SPTB: variants seen among roughly 807,000 people sequenced by gnomAD.
SPTB encodes spectrin beta, erythrocytic, also known as spectrin beta chain, erythrocytic.
In SPTB, 45 loss-of-function variants were observed where a neutral mutation model predicts 256.2. The ratio of observed to expected loss-of-function variants is 0.18; its 90% CI spans 0.14 to 0.23. SPTB has a LOEUF of 0.23. SPTB is among the 10% of genes least tolerant of loss of function. The probability of loss-of-function intolerance (pLI) is 1.00; values close to 1 mark genes in which losing one functional copy is unlikely to be tolerated. For synonymous variants in SPTB, 1,231 were observed against 1,243.1 expected, an observed-to-expected ratio of 0.99 and a Z score of 0.21; for missense variants, 2,715 against 3,040.4, an observed-to-expected ratio of 0.89 and a Z score of 2.52.
chr14:64,775,077 T>C lies in SPTB; in HGVS notation c.4842+48A>G. On this transcript the variant is annotated intron_variant, in intron 23 of 35. Coordinates refer to ENST00000644917, the MANE Select transcript of SPTB (RefSeq NM_001355436.2). This position sits in a 1 kb window ranked among gnomAD's most constrained non-coding sequence, Gnocchi z 5.0. ...CCCTACCGACAGCCAACCTCAACTCTTCCTCTCTGCCTGGGCACCCTGGCT... is the reference window on the plus strand; with the variant it reads ...CCCTACCGACAGCCAACCTCAACTCCTCCTCTCTGCCTGGGCACCCTGGCT... 1 of 1,613,408 alleles carries C rather than the reference T, an allele frequency of 6.2e-7. No homozygotes were observed. The highest frequency in any genetic ancestry group is 1.1e-5 in the South Asian group (1 of 91,054).
chr14:64,859,708 C>G (rs2083929644), intron 1 of SPTB, among the ~76,000 whole-genome samples: 1 of 28,524 alleles, frequency 3.5e-5, no homozygotes, highest in Admixed American at 4.3e-4. Flanking sequence ...CTCTCTCTCT[C>G]TCTCTCTCTC....
At chr14:64,812,429 C>G (rs990915902) in intron 2 of SPTB, among the ~76,000 whole-genome samples, 1 of 152,170 alleles carries the variant, frequency 6.6e-6, no homozygotes, top group South Asian at 2.1e-4. Context: ...GCATTGGCCC[C>G]TGGATGCAAA....
rs1353512373 is a variant in SPTB at position 64,764,885 on chromosome 14, G to A, written c.6345+1841C>T. Among the ~76,000 whole-genome samples, 2 of 152,136 alleles carry A rather than the reference G, an allele frequency of 1.3e-5. No homozygotes were observed. Among genetic ancestry groups the A allele is most frequent in the South Asian group, 4.1e-4 (2 of 4,834 alleles). On this transcript the variant is annotated intron_variant, in intron 32 of 35. Coordinates refer to ENST00000644917, the MANE Select transcript of SPTB (RefSeq NM_001355436.2). The surrounding 1 kb of genome is among the most constrained non-coding windows in gnomAD (Gnocchi z 4.2). ...CAGACAGGGAGGCGACCCCACATGC[G>A]ATGACGGGAGCTTCGGAGGGAACTT...
chr14:64,874,347 CA>C (rs1180738410), intron 1 of SPTB, among the ~76,000 whole-genome samples: 1 of 152,204 alleles, frequency 6.6e-6, no homozygotes, highest in East Asian at 1.9e-4. Context: ...TGCTTGTTTG[CA>C]AGGCCATTTT....
rs114194247 is a variant in SPTB at position 64,806,665 on chromosome 14, T to C, written c.149-1575A>G. ...GACCCTTGATTCTTCTGTGCACTCA[T>C]TGAGCAAATATTTACCGTACAACCG... On this transcript the variant is annotated intron_variant, in intron 2 of 35. Transcript: ENST00000644917. This position sits in a 1 kb window ranked among gnomAD's most constrained non-coding sequence, Gnocchi z 4.1. 3.7e-3 allele frequency among the ~76,000 whole-genome samples: 565 copies of C among 152,272 alleles called. 7 individuals carry two copies. Among genetic ancestry groups the C allele is most frequent in the African/African-American group, 0.012 (517 of 41,548 alleles).
intron 28 of SPTB, 64 bp from the exon 29 acceptor site, chr14:64,769,182 C>G: frequency 6.9e-7 from 1 of 1,448,046 alleles, no homozygotes. Context: ...AGGCAGTGCG[C>G]AGATGGGTCC....
chr14:64,858,595 AGAAG>A (rs1466525316), intron 1 of SPTB, among the ~76,000 whole-genome samples: 1 of 152,104 alleles, frequency 6.6e-6, no homozygotes, highest in East Asian at 1.9e-4. Context: ...AAGCAGGGAG[AGAAG>A]GAAGGAAAAG....
chr14:64,748,516 T>G lies in SPTB; in HGVS notation c.*790A>C, dbSNP rs949922581. 1 of 152,412 alleles carries G rather than the reference T, an allele frequency of 6.6e-6. No individual in the cohort carries two copies. The highest frequency in any genetic ancestry group is 2.4e-5 in the African/African-American group (1 of 41,462). 9.4% of individuals were successfully genotyped at this position (152,412 alleles called of 1,614,324 possible). ...GTTTTCAATGAGGAATGGTCTGACCTTGCTGCCCTTCCTGGGACCGCCTGT... is the reference window on the plus strand; with the variant it reads ...GTTTTCAATGAGGAATGGTCTGACCGTGCTGCCCTTCCTGGGACCGCCTGT... On this transcript the variant is annotated 3_prime_UTR_variant, in exon 36 of 36. Transcript: ENST00000644917.
chr14:64,770,913 G>A lies in SPTB; in HGVS notation c.5770C>T (p.Arg1924Trp), dbSNP rs764617663. The A allele has an allele frequency of 2.5e-5, 40 of 1,613,992 alleles. No individual in the cohort carries two copies. The highest frequency in any genetic ancestry group is 1.6e-4 in the Middle Eastern group (1 of 6,084). The change falls in exon 27 of 36, where the codon CGG becomes TGG. Residue 1924 changes from arginine to tryptophan, a missense_variant. Coordinates refer to ENST00000644917, the MANE Select transcript of SPTB (RefSeq NM_001355436.2). ...GGCCTCTCCTGGGTCTCGATCTGCC[G>A]GATGATGCTCTCCATCCAGGAGAGG... ...DLLSWMESII[R>W]QIETQERPRD... is the part of the protein sequence containing the mutation.
intron 2 of SPTB, among the ~76,000 whole-genome samples, chr14:64,811,428 G>A (rs1264002597): frequency 6.6e-6 from 1 of 152,076 alleles, no homozygotes; most frequent in Admixed American, 6.5e-5. Flanking sequence ...TAATCATAAA[G>A]ACATTTTTAA....
chr14:64,754,360 C>T (rs946810557), intron 32 of SPTB: 3 of 183,000 alleles, frequency 1.6e-5, no homozygotes, highest in African/African-American at 4.7e-5. Flanking sequence ...AACCCAGACC[C>T]TCCCTGGCCA....
At chr14:64,794,391 T>G (rs1277120641) in intron 13 of SPTB, 76 bp downstream of exon 13, 2 of 1,580,254 alleles carry the variant, frequency 1.3e-6, no homozygotes, top group East Asian at 4.5e-5. Flanking sequence ...AGGAGATTTA[T>G]CCAAGTTGGG....
At position 64,859,918 on chromosome 14, in the gene SPTB, T is replaced by G. The variant is rs557866956; in HGVS notation, c.-52+19874A>C. On this transcript the variant is annotated intron_variant, in intron 1 of 35. Transcript: ENST00000644917. ...ACATTTGTGATCAGAAAAAAAAAAA[T>G]TAAGTGTTTCTGAAAAGACTGTGAA... 1.6e-4 allele frequency among the ~76,000 whole-genome samples: 24 copies of G among 151,574 alleles called. 1 individual carries two copies. Among genetic ancestry groups the G allele is most frequent in the Admixed American group, 7.9e-4 (12 of 15,232 alleles).
chr14:64,749,995 G>A lies in SPTB; in HGVS notation c.6762C>T (p.His2254=), dbSNP rs766114391. ...EIAANYKKKK[H]VFKLRLSNGS... ...GAAGGCCTCACCTCAGCTTAAAGAC[G>A]TGCTTCTTCTTCTTGTAGTTGGCAG... The change falls in exon 34 of 36, where the codon CAC becomes CAT. Residue 2254 remains histidine (H), a synonymous_variant. Transcript: ENST00000644917. The surrounding 1 kb of genome is among the most constrained non-coding windows in gnomAD (Gnocchi z 4.7). 138 of 1,614,082 alleles carry A rather than the reference G, an allele frequency of 8.5e-5. No individual in the cohort carries two copies. Among genetic ancestry groups the A allele is most frequent in the Admixed American group, 1.2e-4 (7 of 60,008 alleles).
At chr14:64,752,346 T>C in intron 33 of SPTB, 1 of 943,302 alleles carries the variant, frequency 1.1e-6, no homozygotes, top group Non-Finnish European at 1.5e-6. Flanking sequence ...GAGAAACTAG[T>C]AGGGCACATA....
chr14:64,753,889 C>T, intron 32 of SPTB, 96 bp from the exon 33 acceptor site: 1 of 1,518,476 alleles, frequency 6.6e-7, no homozygotes, highest in Non-Finnish European at 9.0e-7. Context: ...CCACCCTCTC[C>T]ACACCCCCAA....
chr14:64,859,652 G>C (rs1442348667), intron 1 of SPTB, among the ~76,000 whole-genome samples: 1 of 152,038 alleles, frequency 6.6e-6, no homozygotes, highest in Non-Finnish European at 1.5e-5. Context: ...GCTGAGGTGG[G>C]TGGATCACTT....
Position 64,873,387 on chromosome 14 carries a change from A to G in SPTB, c.-52+6405T>C, listed in dbSNP as rs1882652690. 6.6e-6 allele frequency among the ~76,000 whole-genome samples: 1 copy of G among 152,216 alleles called. No individual in the cohort carries two copies. Among genetic ancestry groups the G allele is most frequent in the Non-Finnish European group, 1.5e-5 (1 of 68,028 alleles). On this transcript the variant is annotated intron_variant, in intron 1 of 35. Coordinates refer to ENST00000644917, the MANE Select transcript of SPTB (RefSeq NM_001355436.2). The surrounding 1 kb of genome is among the most constrained non-coding windows in gnomAD (Gnocchi z 4.3). Reference sequence around the variant, plus strand: ...TGACATACAAATCAAGGCCCTCAAGATCACTGGACAAAAAGAGGCTGCTGA... The same window carrying G: ...TGACATACAAATCAAGGCCCTCAAGGTCACTGGACAAAAAGAGGCTGCTGA...
At chr14:64,838,018 G>C (rs1396737792) in intron 1 of SPTB, among the ~76,000 whole-genome samples, 1 of 152,160 alleles carries the variant, frequency 6.6e-6, no homozygotes, top group Non-Finnish European at 1.5e-5. Flanking sequence ...CTGATTTCAA[G>C]ACTTACCACA....
Sources: gnomAD v4.1 joint callset for allele counts (sites outside exome capture counted in the v4.1 genomes callset) on GRCh38, gnomAD v4.1.1 for gene constraint, Gnocchi (gnomAD v3.1) non-coding constraint, MANE v1.5 for transcripts, NCBI Gene and HGNC (gene_info 2026-07-23, HGNC 2026-07-21) for gene names.